Variants in NXN observed in about 807,000 individuals in gnomAD.
NXN encodes the protein nucleoredoxin 1.
A neutral mutation model predicts 48.6 loss-of-function variants in NXN; 16 were observed. The observed-to-expected ratio is 0.33, with a 90% CI of 0.22 to 0.50. The LOEUF is 0.50. Ranked by LOEUF, NXN falls within the 20% of genes least tolerant of loss-of-function variation. NXN has a pLI of 0.98. For synonymous variants in NXN, 281 were observed against 269.6 expected (o/e 1.04, Z -0.41); for missense variants, 492 against 605.5 (o/e 0.81, Z 1.97).
chr17:817,664 A>G (rs912058944), intron 5 of NXN, among the ~76,000 whole-genome samples: 18 of 147,702 alleles, frequency 1.2e-4, no homozygotes, highest in African/African-American at 4.1e-4. Context: ...GCAAGACTCC[A>G]ATTCAGGAAA....
intron 5 of NXN, among the ~76,000 whole-genome samples, chr17:812,561 G>A (rs527293974): frequency 1.3e-5 from 2 of 151,652 alleles, no homozygotes; most frequent in Non-Finnish European, 2.9e-5. Flanking sequence ...GAGCGAGTGT[G>A]TGTGTGAGTC....
chr17:841,532 TG>T (rs1914260913), intron 1 of NXN, among the ~76,000 whole-genome samples: 1 of 10,308 alleles, frequency 9.7e-5, no homozygotes, highest in Non-Finnish European at 1.6e-4. Context: ...CCCCCGACCA[TG>T]GAGCATCTCA....
At chr17:968,104 G>T (rs1324821185) in intron 1 of NXN, among the ~76,000 whole-genome samples, 2 of 149,356 alleles carry the variant, frequency 1.3e-5, no homozygotes, top group African/African-American at 4.9e-5. Context: ...TTAGTGAAAT[G>T]CTTATGAAGG....
At chr17:929,491 T>C (rs933025854) in intron 1 of NXN, among the ~76,000 whole-genome samples, 1 of 152,210 alleles carries the variant, frequency 6.6e-6, no homozygotes, top group African/African-American at 2.4e-5. Flanking sequence ...ACATCCCAGT[T>C]TTCCAGTGTG....
In NXN at chr17:849,088, C is replaced by T. The variant is rs1336838176; in HGVS notation, c.361-23010G>A. Among the ~76,000 whole-genome samples the T allele has an allele frequency of 6.6e-6, 1 of 152,226 alleles. No homozygotes were observed. Among genetic ancestry groups the T allele is most frequent in the East Asian group, 1.9e-4 (1 of 5,184 alleles). On this transcript the variant is annotated intron_variant, in intron 1 of 7. Transcript: ENST00000336868. The surrounding 1 kb of genome is among the most constrained non-coding windows in gnomAD (Gnocchi z 4.2). Reference sequence around the variant, plus strand: ...TATGTAACAGGCTCCGGCTTCCTCTCTAGACCCTCCCCTGGGACGGCAGTC... The same window carrying T: ...TATGTAACAGGCTCCGGCTTCCTCTTTAGACCCTCCCCTGGGACGGCAGTC...
chr17:954,385 A>G (rs765883637), intron 1 of NXN, among the ~76,000 whole-genome samples: 1 of 152,162 alleles, frequency 6.6e-6, no homozygotes, highest in Non-Finnish European at 1.5e-5. Flanking sequence ...CATCTCCAAA[A>G]AAAAGAAACG....
At chr17:904,320 G>A (rs542131959) in intron 1 of NXN, among the ~76,000 whole-genome samples, 1 of 152,192 alleles carries the variant, frequency 6.6e-6, no homozygotes, top group Admixed American at 6.5e-5. Flanking sequence ...CCATCCGACA[G>A]ACTGGCCCCA....
At chr17:881,395 T>C (rs1174527967) in intron 1 of NXN, among the ~76,000 whole-genome samples, 1 of 152,008 alleles carries the variant, frequency 6.6e-6, no homozygotes, top group Admixed American at 6.6e-5. Context: ...ACCACCACAC[T>C]CGAAAATTTT....
At chr17:959,162 G>T in intron 1 of NXN, 1 of 743,564 alleles carries the variant, frequency 1.3e-6, no homozygotes, top group South Asian at 3.0e-5. Context: ...CCTACGGAAG[G>T]CTGGAGAGGT....
Position 825,886 on chromosome 17 carries a change from C to T in NXN, c.478+75G>A, listed in dbSNP as rs768057852. The T allele has an allele frequency of 2.4e-5, 22 of 909,298 alleles. No individual in the cohort carries two copies. Among genetic ancestry groups the T allele is most frequent in the South Asian group, 1.3e-4 (8 of 63,958 alleles). 56.3% of individuals were successfully genotyped at this position (909,298 alleles called of 1,614,324 possible). A position where few individuals can be genotyped will look rare whatever the true frequency, so the allele number is the denominator to read the frequency against. ...ACCAGTACTCTCTCCACCGGTGGGA[C>T]GGAGATTAGCCTAAGGGCATGGAGG... On this transcript the variant is annotated intron_variant, in intron 2 of 7. Coordinates refer to ENST00000336868, the MANE Select transcript of NXN (RefSeq NM_022463.5). The surrounding 1 kb of genome is among the most constrained non-coding windows in gnomAD (Gnocchi z 4.1).
At chr17:847,959 TC>T (rs2067882564) in intron 1 of NXN, among the ~76,000 whole-genome samples, 1 of 152,234 alleles carries the variant, frequency 6.6e-6, no homozygotes, top group African/African-American at 2.4e-5. Context: ...CCCCACTTCT[TC>T]CAGACCAACA....
intron 1 of NXN, among the ~76,000 whole-genome samples, chr17:877,258 C>T (rs1234036422): frequency 6.6e-6 from 1 of 151,094 alleles, no homozygotes; most frequent in Non-Finnish European, 1.5e-5. Context: ...TGCCATTCTC[C>T]TGCCTCAGCC....
At chr17:965,664 C>T (rs2069293855) in intron 1 of NXN, among the ~76,000 whole-genome samples, 1 of 152,086 alleles carries the variant, frequency 6.6e-6, no homozygotes, top group Admixed American at 6.5e-5. Flanking sequence ...CAACTCTATC[C>T]CCAGACTCAG....
Position 847,215 on chromosome 17 carries a change from T to C in NXN, c.361-21137A>G, listed in dbSNP as rs1185983263. ...CTCAATTTCCTATTTGATTGTTATT[T>C]CACAAGGGCTTTTTTTTTTTCCCTT... On this transcript the variant is annotated intron_variant, in intron 1 of 7. Coordinates refer to ENST00000336868, the MANE Select transcript of NXN (RefSeq NM_022463.5). Among the ~76,000 whole-genome samples, 5 of 150,400 alleles carry C rather than the reference T, an allele frequency of 3.3e-5. No homozygotes were observed. The East Asian group carries it at 1.0e-3, about 30-fold the overall frequency.
intron 1 of NXN, among the ~76,000 whole-genome samples, chr17:859,318 G>A (rs190241308): frequency 5.1e-4 from 78 of 152,276 alleles, no homozygotes; most frequent in Non-Finnish European, 9.3e-4. Flanking sequence ...TTCACCAAAG[G>A]AGTTAAGACC....
chr17:852,237 C>T (rs2067931454), intron 1 of NXN, among the ~76,000 whole-genome samples: 1 of 152,228 alleles, frequency 6.6e-6, no homozygotes, highest in Non-Finnish European at 1.5e-5. Context: ...GATGACACCT[C>T]CTCACAAGTC....
chr17:897,986 A>G (rs181785703), intron 1 of NXN, among the ~76,000 whole-genome samples: 5 of 152,154 alleles, frequency 3.3e-5, no homozygotes, highest in African/African-American at 1.2e-4. Flanking sequence ...TGGCCAGTTA[A>G]GATTATTTTA....
intron 1 of NXN, among the ~76,000 whole-genome samples, chr17:955,166 T>C (rs1005826843): frequency 2.6e-4 from 38 of 148,310 alleles, no homozygotes; most frequent in Admixed American, 1.1e-3. Context: ...CTCTTTCTTT[T>C]TTTTTTTTTT....
At chr17:967,350 G>A (rs1333631003) in intron 1 of NXN, among the ~76,000 whole-genome samples, 2 of 152,238 alleles carry the variant, frequency 1.3e-5, no homozygotes, top group African/African-American at 4.8e-5. Context: ...CAGCCTGCCA[G>A]AGGCCAGGGC....
Sources: allele counts gnomAD v4.1 joint callset (sites outside exome capture counted in the v4.1 genomes callset), GRCh38; gene constraint gnomAD v4.1.1; non-coding constraint Gnocchi (gnomAD v3.1); transcripts MANE v1.5; gene names NCBI Gene and HGNC (gene_info 2026-07-23, HGNC 2026-07-21).